ZNF678: variants seen among roughly 807,000 people sequenced by gnomAD.
ZNF678 encodes the protein zinc finger protein 678.
In ZNF678, 5 loss-of-function variants were observed where a neutral mutation model predicts 3.0. The ratio of observed to expected loss-of-function variants is 1.69; its 90% CI spans 0.88 to 3.56. The LOEUF is 3.56. ZNF678 is among the 30% of genes most tolerant of loss of function. The pLI, the probability that ZNF678 is intolerant of heterozygous loss-of-function variation, is 0.00. For missense variants in ZNF678, 593 were observed against 605.0 expected (o/e 0.98, Z 0.21); for synonymous variants, 218 against 199.6 (o/e 1.09, Z -0.78).
At chr1:227,615,929 C>G (rs1558144168) in intron 1 of ZNF678, among the ~76,000 whole-genome samples, 1 of 152,260 alleles carries the variant, frequency 6.6e-6, no homozygotes, top group East Asian at 1.9e-4. Context: ...TTGTGATCTC[C>G]CCTAATTTTT....
chr1:227,650,709 T>C (rs1659068928), intron 2 of ZNF678, among the ~76,000 whole-genome samples: 1 of 152,210 alleles, frequency 6.6e-6, no homozygotes, highest in Non-Finnish European at 1.5e-5. Context: ...AAGTTTTTGC[T>C]ATGAAATTTA....
intron 1 of ZNF678, among the ~76,000 whole-genome samples, chr1:227,585,221 A>C (rs1257281610): frequency 6.6e-6 from 1 of 152,204 alleles, no homozygotes. Flanking sequence ...TATGTTAAAC[A>C]TGGGCTCGTG....
chr1:227,640,068 C>T (rs756924897), intron 1 of ZNF678, among the ~76,000 whole-genome samples: 6 of 151,938 alleles, frequency 3.9e-5, no homozygotes, highest in Admixed American at 6.6e-5. Context: ...GGTGCCTGAG[C>T]GAGTATGGGC....
At position 227,637,665 on chromosome 1, in the gene ZNF678, G is replaced by A. The variant is rs545794215; in HGVS notation, c.-163-8879G>A. Among the ~76,000 whole-genome samples, 20 of 152,282 alleles carry A rather than the reference G, an allele frequency of 1.3e-4. No homozygotes were observed. In the South Asian group the frequency reaches 2.5e-3, roughly 19 times the overall value. ...GCCTTTTGGAGTAGATGGAAAGGTCGGGTAATAGGCTGTGCAGGTTTTAAG... is the reference window on the plus strand; with the variant it reads ...GCCTTTTGGAGTAGATGGAAAGGTCAGGTAATAGGCTGTGCAGGTTTTAAG... On this transcript the variant is annotated intron_variant, in intron 1 of 3. Transcript: ENST00000343776.
intron 1 of ZNF678, 118 bp from the exon 2 acceptor site, chr1:227,646,426 G>A (rs1658956039): frequency 1.4e-5 from 14 of 971,276 alleles, no homozygotes; most frequent in South Asian, 4.2e-5. Flanking sequence ...TTTAAACAAT[G>A]TCTTACTGGA....
Position 227,638,531 on chromosome 1 carries a change from G to A in ZNF678, c.-163-8013G>A, listed in dbSNP as rs954215375. On this transcript the variant is annotated intron_variant, in intron 1 of 3. Transcript: ENST00000343776. The surrounding 1 kb of genome is among the most constrained non-coding windows in gnomAD (Gnocchi z 4.2). Reference sequence around the variant, plus strand: ...TGGGCTCTTTAAGGGTAATGCAGACGGTGGTGTGGTGTTTTGCGCCTAAAC... The same window carrying A: ...TGGGCTCTTTAAGGGTAATGCAGACAGTGGTGTGGTGTTTTGCGCCTAAAC... 6.6e-6 allele frequency among the ~76,000 whole-genome samples: 1 copy of A among 152,118 alleles called. No individual in the cohort carries two copies. The highest frequency in any genetic ancestry group is 2.4e-5 in the African/African-American group (1 of 41,406).
chr1:227,638,107 C>CT lies in ZNF678; in HGVS notation c.-163-8436dup. ...GCCTGTCCAAAAAGGTGGGGGCTGTCTCTGAAACATTGAGGTGGTAGTACA... is the reference window on the plus strand; with the variant it reads ...GCCTGTCCAAAAAGGTGGGGGCTGTCTTCTGAAACATTGAGGTGGTAGTACA... On this transcript the variant is annotated intron_variant, in intron 1 of 3. Transcript: ENST00000343776. The surrounding 1 kb of genome is among the most constrained non-coding windows in gnomAD (Gnocchi z 4.2). Among the ~76,000 whole-genome samples the CT allele has an allele frequency of 6.6e-6, 1 of 152,168 alleles. No individual in the cohort carries two copies. The highest frequency in any genetic ancestry group is 1.9e-4 in the East Asian group (1 of 5,182).
At chr1:227,670,171 T>C (rs920886702) in intron 5 of ZNF678, among the ~76,000 whole-genome samples, 9 of 151,930 alleles carry the variant, frequency 5.9e-5, no homozygotes, top group Admixed American at 2.0e-4. Context: ...CCTAGGAGAG[T>C]AGGAAGAGAG....
intron 1 of ZNF678, among the ~76,000 whole-genome samples, chr1:227,576,633 T>C (rs1389562784): frequency 2.0e-5 from 3 of 152,184 alleles, no homozygotes; most frequent in African/African-American, 7.2e-5. Context: ...TCTTCTCTCT[T>C]TTTTACTTTA....
At chr1:227,647,098 C>A (rs1571911858) in intron 2 of ZNF678, among the ~76,000 whole-genome samples, 1 of 151,052 alleles carries the variant, frequency 6.6e-6, no homozygotes, top group African/African-American at 2.4e-5. Flanking sequence ...ACTAAAAATA[C>A]AAAAAAAAAT....
At chr1:227,587,362 A>G (rs1249650925) in intron 1 of ZNF678, among the ~76,000 whole-genome samples, 1 of 152,184 alleles carries the variant, frequency 6.6e-6, no homozygotes, top group African/African-American at 2.4e-5. Flanking sequence ...ACAAAACAAA[A>G]GACATACCCA....
intron 1 of ZNF678, among the ~76,000 whole-genome samples, chr1:227,571,659 A>G (rs1490868593): frequency 6.6e-6 from 1 of 152,254 alleles, no homozygotes; most frequent in African/African-American, 2.4e-5. Context: ...TACACCGAAT[A>G]ATAGTTTGTA....
intron 1 of ZNF678, among the ~76,000 whole-genome samples, chr1:227,607,755 A>G (rs1276047951): frequency 6.9e-6 from 1 of 145,972 alleles, no homozygotes; most frequent in Non-Finnish European, 1.5e-5. Context: ...TATAATATAC[A>G]TTTATTATAT....
At chr1:227,673,107 A>G (rs181863676) in intron 5 of ZNF678, among the ~76,000 whole-genome samples, 10 of 152,218 alleles carry the variant, frequency 6.6e-5, no homozygotes, top group African/African-American at 2.2e-4. Flanking sequence ...ACACCACACT[A>G]TGCCAGGAAC....
At chr1:227,630,737 T>C (rs577373787) in intron 1 of ZNF678, among the ~76,000 whole-genome samples, 51 of 152,298 alleles carry the variant, frequency 3.3e-4, no homozygotes, top group Admixed American at 7.2e-4. Context: ...TGTTTACACC[T>C]TTATCTATCT....
At position 227,655,009 on chromosome 1, in the gene ZNF678, T is replaced by A. The variant is rs751959408; in HGVS notation, c.759T>A (p.Thr253=). 1 of 1,611,388 alleles carries A rather than the reference T, an allele frequency of 6.2e-7. No individual in the cohort carries two copies. The highest frequency in any genetic ancestry group is 8.5e-7 in the Non-Finnish European group (1 of 1,179,178). ...CKAFNKFSNL[T]QHKRIHTGEK... ...CCTTTAACAAGTTCTCAAACCTTAC[T>A]CAACATAAGAGAATTCATACTGGAG... Residue 253 remains threonine, a synonymous_variant, in exon 4 of 4, where the codon ACT becomes ACA. Coordinates refer to ENST00000343776, the MANE Select transcript of ZNF678 (RefSeq NM_001367909.1).
chr1:227,578,751 A>G (rs1204334351), intron 1 of ZNF678, among the ~76,000 whole-genome samples: 1 of 152,132 alleles, frequency 6.6e-6, no homozygotes, highest in African/African-American at 2.4e-5. Flanking sequence ...CATTTCAGTG[A>G]TCTCAGCTTG....
rs1484563781 is a variant in ZNF678 at position 227,660,336 on chromosome 1, C to CT, written c.*4513dup. 1 of 151,074 alleles carries CT rather than the reference C, an allele frequency of 6.6e-6. No homozygotes were observed. The highest frequency in any genetic ancestry group is 1.5e-5 in the Non-Finnish European group (1 of 67,832). The allele number at this position is 151,074 out of a possible 1,614,324, so 9.4% of individuals were successfully genotyped here. A position where few individuals can be genotyped will look rare whatever the true frequency, so the allele number is the denominator to read the frequency against. Reference sequence around the variant, plus strand: ...TATACATCATTTTGTGTAACATAGACTTTTTAGCAATATTAATTTGGCCAA... The same window carrying CT: ...TATACATCATTTTGTGTAACATAGACTTTTTTAGCAATATTAATTTGGCCAA... On this transcript the variant is annotated 3_prime_UTR_variant, in exon 4 of 4. Transcript: ENST00000343776.
At chr1:227,654,115 A>T (rs1181050894) in intron 3 of ZNF678, among the ~76,000 whole-genome samples, 1 of 152,052 alleles carries the variant, frequency 6.6e-6, no homozygotes, top group African/African-American at 2.4e-5. Flanking sequence ...AATTGTGCTC[A>T]CCTAGGGTGT....
Sources: gnomAD v4.1 joint callset for allele counts (sites outside exome capture counted in the v4.1 genomes callset) on GRCh38, gnomAD v4.1.1 for gene constraint, Gnocchi (gnomAD v3.1) non-coding constraint, MANE v1.5 for transcripts, NCBI Gene and HGNC (gene_info 2026-07-23, HGNC 2026-07-21) for gene names.